Variants in NOL4 observed in about 807,000 individuals in gnomAD.
The protein encoded by NOL4 is nucleolar protein 4.
NOL4 carries 17 observed loss-of-function variants against 75.9 expected under a neutral mutation model. The observed-to-expected ratio is 0.22, with a 90% CI of 0.15 to 0.34. The LOEUF is 0.34. Ranked by LOEUF, NOL4 falls within the 10% of genes least tolerant of loss-of-function variation. The probability of loss-of-function intolerance (pLI) is 1.00; values close to 1 mark genes in which losing one functional copy is unlikely to be tolerated. For synonymous variants in NOL4, 292 were observed against 289.9 expected (o/e 1.01, Z -0.07); for missense variants, 614 against 793.5 (o/e 0.77, Z 2.72).
chr18:34,065,047 A>G (rs1339212987), intron 5 of NOL4, among the ~76,000 whole-genome samples: 1 of 151,930 alleles, frequency 6.6e-6, no homozygotes, highest in Non-Finnish European at 1.5e-5. Context: ...TTTTGGATTT[A>G]TTAAAGCAAT....
intron 5 of NOL4, chr18:34,048,702 AC>A: frequency 1.5e-6 from 1 of 647,642 alleles, no homozygotes. Flanking sequence ...GGAAACATGC[AC>A]TCAGTCTTCC....
intron 4 of NOL4, among the ~76,000 whole-genome samples, chr18:34,101,398 T>C (rs924049824): frequency 2.6e-5 from 4 of 152,082 alleles, no homozygotes; most frequent in African/African-American, 9.7e-5. Context: ...ACTGGGTAGG[T>C]TGGAAACTTA....
intron 9 of NOL4, among the ~76,000 whole-genome samples, chr18:33,902,791 C>T (rs909524187): frequency 6.6e-6 from 1 of 151,974 alleles, no homozygotes; most frequent in African/African-American, 2.4e-5. Context: ...GCCTAAAAAA[C>T]AAAGTTTTTA....
At chr18:34,040,363 T>C (rs1933360588) in intron 5 of NOL4, among the ~76,000 whole-genome samples, 1 of 151,936 alleles carries the variant, frequency 6.6e-6, no homozygotes, top group Admixed American at 6.6e-5. Context: ...ACATTGCTGA[T>C]AGAAGCTATT....
chr18:34,037,515 A>G (rs540197128), intron 5 of NOL4, among the ~76,000 whole-genome samples: 1 of 152,330 alleles, frequency 6.6e-6, no homozygotes, highest in South Asian at 2.1e-4. Flanking sequence ...TTCAAATTAT[A>G]TTACAAGGCA....
chr18:34,220,701 A>G (rs937822327), intron 1 of NOL4, among the ~76,000 whole-genome samples: 6 of 152,184 alleles, frequency 3.9e-5, no homozygotes, highest in African/African-American at 1.4e-4. Flanking sequence ...AAATTTTATA[A>G]AGAGCAATAG....
chr18:34,086,959 T>C (rs567938070), intron 5 of NOL4, among the ~76,000 whole-genome samples: 2 of 152,306 alleles, frequency 1.3e-5, no homozygotes, highest in Admixed American at 6.5e-5. Context: ...TGAACTTACA[T>C]GCTATTCCTC....
chr18:34,211,455 C>T (rs1040263805), intron 1 of NOL4, among the ~76,000 whole-genome samples: 7 of 152,088 alleles, frequency 4.6e-5, no homozygotes, highest in Non-Finnish European at 7.4e-5. Context: ...TAGAGCATGG[C>T]GCTAGTATGA....
intron 5 of NOL4, among the ~76,000 whole-genome samples, chr18:34,052,265 C>A (rs1259189946): frequency 7.6e-6 from 1 of 131,640 alleles, no homozygotes; most frequent in Non-Finnish European, 1.7e-5. Context: ...GTTATTCTAG[C>A]AAGTGGAGTA....
At chr18:33,886,560 C>G (rs964507138) in intron 9 of NOL4, among the ~76,000 whole-genome samples, 2 of 149,498 alleles carry the variant, frequency 1.3e-5, no homozygotes, top group East Asian at 3.9e-4. Flanking sequence ...AAATAATGAA[C>G]TATTAACTAT....
chr18:33,892,036 T>C (rs551303860), intron 9 of NOL4, among the ~76,000 whole-genome samples: 1 of 152,278 alleles, frequency 6.6e-6, no homozygotes, highest in African/African-American at 2.4e-5. Flanking sequence ...TGTTTTCATC[T>C]TGAATGATTA....
At chr18:33,968,305 C>G (rs1343434753) in intron 6 of NOL4, among the ~76,000 whole-genome samples, 1 of 152,044 alleles carries the variant, frequency 6.6e-6, no homozygotes, top group African/African-American at 2.4e-5. Flanking sequence ...GAAATCAAAT[C>G]ATTTTACCAA....
chr18:34,222,909 C>T (rs982503802), intron 1 of NOL4, 81 bp downstream of exon 1: 2 of 1,545,982 alleles, frequency 1.3e-6, no homozygotes, highest in African/African-American at 2.7e-5. Context: ...CACGGCTCCC[C>T]CTCTCTCCCG....
Position 34,147,291 on chromosome 18 carries a change from G to T in NOL4, c.265-17271C>A, listed in dbSNP as rs563513220. 8.5e-4 allele frequency among the ~76,000 whole-genome samples: 129 copies of T among 152,222 alleles called. No homozygotes were observed. In the South Asian group the frequency reaches 0.011, roughly 13 times the overall value. ...TGGTGAGAGAGGGCATCCTTGTCTT[G>T]TGTCAGTTTTCAAAGGGAATGCTTC... On this transcript the variant is annotated intron_variant, in intron 1 of 10. Transcript: ENST00000261592.
chr18:33,983,577 A>G (rs1157461788), intron 6 of NOL4, among the ~76,000 whole-genome samples: 2 of 150,578 alleles, frequency 1.3e-5, no homozygotes, highest in Non-Finnish European at 3.0e-5. Flanking sequence ...GTATGTATAA[A>G]TATATATAAA....
intron 5 of NOL4, among the ~76,000 whole-genome samples, chr18:34,069,394 AC>A (rs1211072448): frequency 6.6e-6 from 1 of 152,198 alleles, no homozygotes; most frequent in Non-Finnish European, 1.5e-5. Flanking sequence ...ATGGTCAGTG[AC>A]CTGTGGCATA....
At chr18:34,159,191 TC>T (rs1399427024) in intron 1 of NOL4, among the ~76,000 whole-genome samples, 1 of 152,130 alleles carries the variant, frequency 6.6e-6, no homozygotes, top group Non-Finnish European at 1.5e-5. Context: ...GTCAGCCTCC[TC>T]CTCGCCTCCC....
At chr18:34,222,596 C>G (rs2037396677) in intron 1 of NOL4, 1 of 423,120 alleles carries the variant, frequency 2.4e-6, no homozygotes, top group Non-Finnish European at 3.2e-6. Flanking sequence ...GGCCGGGCTT[C>G]CAGCCTGGCC....
At chr18:33,898,494 C>A (rs186610022) in intron 9 of NOL4, among the ~76,000 whole-genome samples, 95 of 152,232 alleles carry the variant, frequency 6.2e-4, no homozygotes, top group African/African-American at 2.1e-3. Context: ...AGAAACAACA[C>A]CCGTTATATC....
Sources: allele counts gnomAD v4.1 joint callset (sites outside exome capture counted in the v4.1 genomes callset), GRCh38; gene constraint gnomAD v4.1.1; transcripts MANE v1.5; gene names NCBI Gene and HGNC (gene_info 2026-07-23, HGNC 2026-07-21).